ZBTB8OS: variants seen among roughly 807,000 people sequenced by gnomAD.
ZBTB8OS encodes tRNA splicing ligase complex subunit 1.
Under a neutral mutation model 29.3 loss-of-function variants are expected in ZBTB8OS, and 16 were observed. That is an observed-to-expected ratio of 0.55 (90% CI 0.37 to 0.83). The LOEUF is 0.83. ZBTB8OS is among the 40% of genes least tolerant of loss of function. The pLI, the probability that ZBTB8OS is intolerant of heterozygous loss-of-function variation, is 0.00. For synonymous variants in ZBTB8OS, 70 were observed against 64.6 expected, an observed-to-expected ratio of 1.08 and a Z score of -0.40; for missense variants, 160 against 196.9, an observed-to-expected ratio of 0.81 and a Z score of 1.12.
chr1:32,645,279 C>T (rs1475272929), intron 1 of ZBTB8OS, among the ~76,000 whole-genome samples: 1 of 152,084 alleles, frequency 6.6e-6, no homozygotes, highest in Non-Finnish European at 1.5e-5. Flanking sequence ...AGGACGATTG[C>T]TTAAGGCCAG....
intron 1 of ZBTB8OS, among the ~76,000 whole-genome samples, chr1:32,641,215 A>T (rs530870140): frequency 2.6e-5 from 4 of 151,002 alleles, no homozygotes; most frequent in Admixed American, 6.6e-5. Flanking sequence ...TTCAAGAAAA[A>T]GTGTTCCATG....
At chr1:32,650,384 G>A (rs1160240674) in intron 1 of ZBTB8OS, 49 bp downstream of exon 1, 12 of 1,610,266 alleles carry the variant, frequency 7.5e-6, no homozygotes, top group African/African-American at 4.0e-5. Flanking sequence ...TAAGGAGAGG[G>A]GATGCCTGTG....
rs1454002161 is a variant in ZBTB8OS at position 32,637,977 on chromosome 1, G to A, written c.98-3185C>T. On this transcript the variant is annotated intron_variant, in intron 1 of 6. Coordinates refer to ENST00000468695, the MANE Select transcript of ZBTB8OS (RefSeq NM_178547.5). ...ACCTCCTGAGTACCTGGGATCACAGGAGTCCACCACCATGCCTGGCTAATT... is the reference window on the plus strand; with the variant it reads ...ACCTCCTGAGTACCTGGGATCACAGAAGTCCACCACCATGCCTGGCTAATT... Among the ~76,000 whole-genome samples the A allele has an allele frequency of 2.0e-5, 3 of 151,936 alleles. No individual in the cohort carries two copies. In the East Asian group the frequency reaches 5.8e-4, roughly 29 times the overall value.
chr1:32,642,272 G>A lies in ZBTB8OS; in HGVS notation c.98-7480C>T, dbSNP rs559224125. ...TAATCCCAGCACTTTGGGAGGCCAA[G>A]GCAGGCAAATCACCTGAGATCAGGA... On this transcript the variant is annotated intron_variant, in intron 1 of 6. Coordinates refer to ENST00000468695, the MANE Select transcript of ZBTB8OS (RefSeq NM_178547.5). Among the ~76,000 whole-genome samples, 15 of 152,262 alleles carry A rather than the reference G, an allele frequency of 9.9e-5. No individual in the cohort carries two copies. In the South Asian group the frequency reaches 3.1e-3, roughly 32 times the overall value.
intron 4 of ZBTB8OS, 37 bp from the exon 5 acceptor site, chr1:32,631,916 T>G: frequency 8.1e-7 from 1 of 1,237,356 alleles, no homozygotes; most frequent in South Asian, 1.5e-5. Context: ...TAAAAAAAGT[T>G]CATAATAGAC....
intron 2 of ZBTB8OS, chr1:32,634,467 C>A: frequency 2.3e-6 from 1 of 438,650 alleles, no homozygotes; most frequent in East Asian, 3.5e-5. Context: ...CCTCATGATC[C>A]GTCCGCCTCA....
intron 5 of ZBTB8OS, among the ~76,000 whole-genome samples, chr1:32,631,353 TC>T (rs1645542247): frequency 9.2e-6 from 1 of 108,452 alleles, no homozygotes. Context: ...AGACCCTGTA[TC>T]AAAAAAAAAA....
chr1:32,644,166 A>G (rs1002239467), intron 1 of ZBTB8OS, among the ~76,000 whole-genome samples: 1 of 152,208 alleles, frequency 6.6e-6, no homozygotes, highest in Admixed American at 6.5e-5. Flanking sequence ...GGGCTTTAAG[A>G]CTATTACAAG....
chr1:32,642,275 A>G (rs1214179006), intron 1 of ZBTB8OS, among the ~76,000 whole-genome samples: 2 of 152,150 alleles, frequency 1.3e-5, no homozygotes, highest in African/African-American at 4.8e-5. Flanking sequence ...AGGCCAAGGC[A>G]GGCAAATCAC....
intron 1 of ZBTB8OS, among the ~76,000 whole-genome samples, chr1:32,644,274 T>C (rs1646663461): frequency 6.6e-6 from 1 of 152,086 alleles, no homozygotes; most frequent in South Asian, 2.1e-4. Context: ...ATTGCATTCT[T>C]GGATGTGCTA....
chr1:32,634,591 A>T (rs1418538538), intron 2 of ZBTB8OS, 177 bp downstream of exon 2: 1 of 708,994 alleles, frequency 1.4e-6, no homozygotes, highest in East Asian at 2.6e-5. Flanking sequence ...GCAGTGGTGC[A>T]ATCTCGGCTC....
chr1:32,626,018 G>T (rs113611314), intron 6 of ZBTB8OS, among the ~76,000 whole-genome samples: 3 of 151,902 alleles, frequency 2.0e-5, no homozygotes, highest in East Asian at 3.9e-4. Context: ...GATTACAAGC[G>T]CCCGCCACCG....
At chr1:32,645,110 A>G (rs895452880) in intron 1 of ZBTB8OS, among the ~76,000 whole-genome samples, 1 of 151,548 alleles carries the variant, frequency 6.6e-6, no homozygotes, top group African/African-American at 2.4e-5. Context: ...ACCTGGGAGG[A>G]GGAGGTTGCA....
chr1:32,627,630 T>C (rs1170279667), intron 5 of ZBTB8OS, 86 bp from the exon 6 acceptor site: 3 of 1,332,064 alleles, frequency 2.3e-6, no homozygotes, highest in East Asian at 4.6e-5. Flanking sequence ...GTTAACATGC[T>C]AGAAAGCCAA....
In ZBTB8OS at chr1:32,621,498, T is replaced by G. The variant is rs1430135722; in HGVS notation, c.*364A>C. On this transcript the variant is annotated 3_prime_UTR_variant, in exon 7 of 7. Coordinates refer to ENST00000468695, the MANE Select transcript of ZBTB8OS (RefSeq NM_178547.5). Reference sequence around the variant, plus strand: ...AATATATTTTTTCAAGTTATTCTTCTTTCAACCTGGATTCAGCCTCAGGCT... The same window carrying G: ...AATATATTTTTTCAAGTTATTCTTCGTTCAACCTGGATTCAGCCTCAGGCT... The G allele has an allele frequency of 1.1e-5, 2 of 187,014 alleles. No homozygotes were observed. 11.6% of individuals were successfully genotyped at this position (187,014 alleles called of 1,614,324 possible).
chr1:32,625,973 A>G (rs1645102929), intron 6 of ZBTB8OS, among the ~76,000 whole-genome samples: 1 of 151,672 alleles, frequency 6.6e-6, no homozygotes, highest in African/African-American at 2.4e-5. Context: ...CCCAGGTTCA[A>G]GCGATTCTCC....
At chr1:32,647,266 CAAAA>C (rs71006348) in intron 1 of ZBTB8OS, among the ~76,000 whole-genome samples, 176 of 134,584 alleles carry the variant, frequency 1.3e-3, no homozygotes, top group African/African-American at 5.2e-3. Flanking sequence ...TACTCTGTCT[CAAAA>C]AAAAAAAAAA....
chr1:32,629,285 A>C (rs1645357540), intron 5 of ZBTB8OS, among the ~76,000 whole-genome samples: 2 of 151,878 alleles, frequency 1.3e-5, no homozygotes, highest in African/African-American at 4.8e-5. Flanking sequence ...GCATGGTGGC[A>C]TATGTCTGTT....
At chr1:32,639,037 C>G (rs1331986373) in intron 1 of ZBTB8OS, among the ~76,000 whole-genome samples, 1 of 151,384 alleles carries the variant, frequency 6.6e-6, no homozygotes. Flanking sequence ...TTGGTTTACA[C>G]CTGTAATCCC....
Sources: gnomAD v4.1 joint callset for allele counts (sites outside exome capture counted in the v4.1 genomes callset) on GRCh38, gnomAD v4.1.1 for gene constraint, MANE v1.5 for transcripts, NCBI Gene and HGNC (gene_info 2026-07-23, HGNC 2026-07-21) for gene names.